Variants in SNAPC1 observed in about 807,000 individuals in gnomAD.
SNAPC1 encodes the protein small nuclear RNA activating complex polypeptide 1, also known as snRNA-activating protein complex subunit 1.
In SNAPC1, 42 loss-of-function variants were observed where a neutral mutation model predicts 50.1. The observed-to-expected ratio is 0.84, with a 90% CI of 0.65 to 1.08. The LOEUF (loss-of-function observed/expected upper bound fraction) is 1.08, where lower values mean the gene tolerates loss of function less well. Ranked by LOEUF, SNAPC1 falls within the 50% of genes least tolerant of loss-of-function variation. SNAPC1 has a pLI of 0.00. For synonymous variants in SNAPC1, 164 were observed against 144.2 expected, an observed-to-expected ratio of 1.14 and a Z score of -0.98; for missense variants, 477 against 427.3, an observed-to-expected ratio of 1.12 and a Z score of -1.02.
intron 8 of SNAPC1, among the ~76,000 whole-genome samples, chr14:61,785,355 C>T (rs1004541072): frequency 2.0e-5 from 3 of 152,028 alleles, no homozygotes; most frequent in Non-Finnish European, 2.9e-5. Flanking sequence ...GCCAAGATCG[C>T]GCCAAGATGG....
chr14:61,769,770 C>T (rs1238189532), intron 4 of SNAPC1, among the ~76,000 whole-genome samples: 1 of 152,078 alleles, frequency 6.6e-6, no homozygotes, highest in African/African-American at 2.4e-5. Context: ...AATATATTTT[C>T]GTATTTTGTT....
intron 8 of SNAPC1, 44 bp downstream of exon 8, chr14:61,782,441 GT>G (rs1408616029): frequency 1.3e-6 from 2 of 1,492,036 alleles, no homozygotes; most frequent in Non-Finnish European, 1.8e-6. Flanking sequence ...AGGAGAATGG[GT>G]TTTATTTACA....
chr14:61,774,678 T>TTTTTTTTTTG (rs750612622), intron 4 of SNAPC1, among the ~76,000 whole-genome samples: 1 of 129,228 alleles, frequency 7.7e-6, no homozygotes, highest in African/African-American at 3.1e-5. Context: ...TTTTTTTTTT[T>TTTTTTTTTTG]GAGAGGCAGA....
chr14:61,792,454 T>G (rs538048553), intron 8 of SNAPC1, among the ~76,000 whole-genome samples: 1 of 152,294 alleles, frequency 6.6e-6, no homozygotes, highest in African/African-American at 2.4e-5. Context: ...TGTAATTAAT[T>G]TAATAAAGTT....
At position 61,796,417 on chromosome 14, in the gene SNAPC1, C is replaced by A. The variant is rs1288881359; in HGVS notation, c.*1434C>A. On this transcript the variant is annotated 3_prime_UTR_variant, in exon 10 of 10. Coordinates refer to ENST00000216294, the MANE Select transcript of SNAPC1 (RefSeq NM_003082.4). Reference sequence around the variant, plus strand: ...CTAATGCTGACGCAAATAAAATTTTCATTTATTAGCATTCATGCAGTCACA... The same window carrying A: ...CTAATGCTGACGCAAATAAAATTTTAATTTATTAGCATTCATGCAGTCACA... The A allele has an allele frequency of 6.6e-6, 1 of 152,078 alleles. No individual in the cohort carries two copies. Among genetic ancestry groups the A allele is most frequent in the Non-Finnish European group, 1.5e-5 (1 of 68,016 alleles). The allele number at this position is 152,078 out of a possible 1,614,324, so 9.4% of individuals were successfully genotyped here. A position where few individuals can be genotyped will look rare whatever the true frequency, so the allele number is the denominator to read the frequency against.
intron 3 of SNAPC1, among the ~76,000 whole-genome samples, chr14:61,768,100 A>C (rs1566587394): frequency 6.6e-6 from 1 of 152,266 alleles, no homozygotes; most frequent in East Asian, 1.9e-4. Context: ...TTAAAATAGG[A>C]GAAGGTATTT....
At chr14:61,764,138 T>G (rs975452304) in intron 1 of SNAPC1, among the ~76,000 whole-genome samples, 2 of 152,226 alleles carry the variant, frequency 1.3e-5, no homozygotes, top group South Asian at 4.1e-4. Flanking sequence ...TTCACCATGT[T>G]GGCCAGGCTG....
intron 4 of SNAPC1, among the ~76,000 whole-genome samples, chr14:61,775,220 C>CAAATTTATG (rs1429954291): frequency 6.6e-6 from 1 of 151,936 alleles, no homozygotes; most frequent in African/African-American, 2.4e-5. Context: ...TAAATAATGC[C>CAAATTTATG]ACAAATGGTG....
chr14:61,762,681 T>A, intron 1 of SNAPC1, 93 bp downstream of exon 1: 3 of 1,459,646 alleles, frequency 2.1e-6, no homozygotes, highest in South Asian at 2.4e-5. Flanking sequence ...TGTGAAGGGC[T>A]GAGAAGAGCG....
chr14:61,765,869 TG>T (rs1335164308), intron 1 of SNAPC1, among the ~76,000 whole-genome samples: 2 of 152,236 alleles, frequency 1.3e-5, no homozygotes, highest in African/African-American at 4.8e-5. Context: ...CTGATGAGCT[TG>T]CAGTGCTCTG....
chr14:61,770,511 T>G (rs2044980779), intron 4 of SNAPC1, among the ~76,000 whole-genome samples: 1 of 152,106 alleles, frequency 6.6e-6, no homozygotes, highest in Admixed American at 6.6e-5. Flanking sequence ...CCTAAAGTGG[T>G]GAGTTTACAG....
chr14:61,782,228 T>C lies in SNAPC1; in HGVS notation c.826-19T>C. On this transcript the variant is annotated intron_variant, in intron 7 of 9. Coordinates refer to ENST00000216294, the MANE Select transcript of SNAPC1 (RefSeq NM_003082.4). ...ATTCATTTTATAATTTATTGGTTAA[T>C]TGGATTGTAACTCTTAAGGCATCCA... The C allele has an allele frequency of 6.5e-7, 1 of 1,529,902 alleles. No homozygotes were observed. The highest frequency in any genetic ancestry group is 1.2e-5 in the South Asian group (1 of 80,908). The allele number at this position is 1,529,902 out of a possible 1,614,324, so 94.8% of individuals were successfully genotyped here. A position where few individuals can be genotyped will look rare whatever the true frequency, so the allele number is the denominator to read the frequency against.
At chr14:61,780,888 G>GA (rs57019673) in intron 7 of SNAPC1, among the ~76,000 whole-genome samples, 7,567 of 149,530 alleles carry the variant, frequency 0.051, 442 homozygotes, top group African/African-American at 0.14. Flanking sequence ...GAAAATATTT[G>GA]AAAAAAAAAA....
intron 8 of SNAPC1, among the ~76,000 whole-genome samples, chr14:61,784,778 G>C (rs1418401571): frequency 6.6e-6 from 1 of 152,166 alleles, no homozygotes; most frequent in Non-Finnish European, 1.5e-5. Flanking sequence ...ATTACAAAGT[G>C]CCTCATGTTC....
chr14:61,775,148 CTT>C (rs1566589540), intron 4 of SNAPC1, among the ~76,000 whole-genome samples: 1 of 152,082 alleles, frequency 6.6e-6, no homozygotes, highest in East Asian at 1.9e-4. Flanking sequence ...GGTATGCTGT[CTT>C]TTTCCTTACC....
At chr14:61,762,981 C>CTTGTTTTTTTT (rs2044918358) in intron 1 of SNAPC1, among the ~76,000 whole-genome samples, 1 of 72,992 alleles carries the variant, frequency 1.4e-5, no homozygotes, top group Non-Finnish European at 2.4e-5. Flanking sequence ...CCAAAGTTGT[C>CTTGTTTTTTTT]TTTTTTTTTT....
intron 1 of SNAPC1, among the ~76,000 whole-genome samples, chr14:61,764,526 A>T (rs928353592): frequency 1.3e-5 from 2 of 152,186 alleles, no homozygotes; most frequent in Non-Finnish European, 2.9e-5. Context: ...AGGTATAATT[A>T]TCCTTGTTTT....
intron 8 of SNAPC1, among the ~76,000 whole-genome samples, chr14:61,785,877 T>G (rs1189393936): frequency 6.6e-6 from 1 of 151,798 alleles, no homozygotes; most frequent in East Asian, 1.9e-4. Context: ...GAGGGATCAC[T>G]TTGAATAGAA....
chr14:61,767,211 G>C lies in SNAPC1; in HGVS notation c.289-1G>C, dbSNP rs779944010. The C allele has an allele frequency of 6.9e-7, 1 of 1,450,042 alleles. No individual in the cohort carries two copies. Among genetic ancestry groups the C allele is most frequent in the Admixed American group, 2.5e-5 (1 of 39,932 alleles). 89.8% of individuals were successfully genotyped at this position (1,450,042 alleles called of 1,614,324 possible). A position where few individuals can be genotyped will look rare whatever the true frequency, so the allele number is the denominator to read the frequency against. On this transcript the variant is annotated splice_acceptor_variant, in intron 2 of 9. Coordinates refer to ENST00000216294, the MANE Select transcript of SNAPC1 (RefSeq NM_003082.4). LOFTEE classifies it high-confidence loss of function. The stretch of plus-strand genomic sequence containing the variant: ...CAACTTTTTTTTCTTCCTGGTTGCA[G>C]ATCAGAGTTGCCCTGAAGGATTGGG...
Sources: allele counts gnomAD v4.1 joint callset (sites outside exome capture counted in the v4.1 genomes callset), GRCh38; gene constraint gnomAD v4.1.1; transcripts MANE v1.5; gene names NCBI Gene and HGNC (gene_info 2026-07-23, HGNC 2026-07-21).